Variants in CATSPER3 observed in about 807,000 individuals in gnomAD.
CATSPER3 encodes cation channel sperm associated 3, also known as cation channel sperm-associated protein 3.
Under a neutral mutation model 36.6 loss-of-function variants are expected in CATSPER3, and 23 were observed. The ratio of observed to expected loss-of-function variants is 0.63; its 90% CI spans 0.45 to 0.89. The LOEUF is 0.89. CATSPER3 is among the 40% of genes least tolerant of loss of function. CATSPER3 has a pLI of 0.00. For synonymous variants in CATSPER3, 172 were observed against 184.1 expected (o/e 0.93, Z 0.53); for missense variants, 474 against 503.9 (o/e 0.94, Z 0.57).
chr5:135,002,770 C>T (rs192437772), intron 3 of CATSPER3, among the ~76,000 whole-genome samples: 21 of 152,300 alleles, frequency 1.4e-4, no homozygotes, highest in Non-Finnish European at 2.5e-4. Context: ...GTGCATGCAT[C>T]GCGTAGTTCT....
chr5:134,986,743 G>A (rs534171983), intron 2 of CATSPER3, among the ~76,000 whole-genome samples: 3 of 152,286 alleles, frequency 2.0e-5, no homozygotes, highest in East Asian at 3.9e-4. Context: ...GATTATAGGC[G>A]TGAGCCACCA....
intron 2 of CATSPER3, among the ~76,000 whole-genome samples, chr5:134,972,190 T>A (rs1300632217): frequency 6.6e-6 from 1 of 152,182 alleles, no homozygotes; most frequent in African/African-American, 2.4e-5. Flanking sequence ...TCAAAGGAAA[T>A]GCTTACTGGA....
chr5:134,992,911 A>G (rs768893088), intron 2 of CATSPER3, among the ~76,000 whole-genome samples: 1 of 152,230 alleles, frequency 6.6e-6, no homozygotes, highest in Non-Finnish European at 1.5e-5. Context: ...GTATATACCC[A>G]AAAGATTGTA....
intron 2 of CATSPER3, among the ~76,000 whole-genome samples, chr5:134,978,038 A>G (rs1179453423): frequency 1.3e-5 from 2 of 152,204 alleles, no homozygotes; most frequent in African/African-American, 2.4e-5. Context: ...CCCACGATCC[A>G]GTCAACTCCT....
intron 6 of CATSPER3, 95 bp from the exon 7 acceptor site, chr5:135,010,278 G>A (rs1303683354): frequency 1.2e-5 from 13 of 1,107,756 alleles, no homozygotes; most frequent in Non-Finnish European, 1.8e-5. Context: ...GGGTCAGGCC[G>A]CTGCCTGGGG....
intron 3 of CATSPER3, among the ~76,000 whole-genome samples, chr5:134,997,746 C>G (rs1302259295): frequency 6.6e-6 from 1 of 152,162 alleles, no homozygotes; most frequent in East Asian, 1.9e-4. Flanking sequence ...ATCTTTTCCA[C>G]TTTCCAGGAC....
rs549755535 is a variant in CATSPER3 at position 134,982,270 on chromosome 5, G to C, written c.252+12178G>C. Among the ~76,000 whole-genome samples, 85 of 152,120 alleles carry C rather than the reference G, an allele frequency of 5.6e-4. 1 individual carries two copies. The highest frequency in any genetic ancestry group is 1.8e-3 in the African/African-American group (76 of 41,502). ...TTCCAGAAGGAGAGGAGAAAATAAG[G>C]CAGAAATAATATTTAAAGAAATAAT... On this transcript the variant is annotated intron_variant, in intron 2 of 7. Coordinates refer to ENST00000282611, the MANE Select transcript of CATSPER3 (RefSeq NM_178019.3).
At chr5:134,996,016 C>G (rs1206460601) in intron 2 of CATSPER3, among the ~76,000 whole-genome samples, 1 of 152,228 alleles carries the variant, frequency 6.6e-6, no homozygotes, top group Non-Finnish European at 1.5e-5. Flanking sequence ...TACAGTCATT[C>G]TGTCTGCCAG....
At chr5:134,978,990 G>A (rs1751715858) in intron 2 of CATSPER3, among the ~76,000 whole-genome samples, 1 of 152,098 alleles carries the variant, frequency 6.6e-6, no homozygotes, top group Admixed American at 6.5e-5. Flanking sequence ...CCAAAGTGCT[G>A]GGATTACAGG....
intron 3 of CATSPER3, among the ~76,000 whole-genome samples, chr5:135,004,216 T>A (rs966799225): frequency 2.6e-5 from 4 of 152,272 alleles, no homozygotes; most frequent in African/African-American, 7.2e-5. Flanking sequence ...TCAGTGGTTA[T>A]TGACTTGTCC....
chr5:134,991,708 A>G (rs1403001219), intron 2 of CATSPER3, among the ~76,000 whole-genome samples: 1 of 152,234 alleles, frequency 6.6e-6, no homozygotes, highest in Non-Finnish European at 1.5e-5. Context: ...ATAGGGGTAA[A>G]TCTTCATGAC....
At chr5:134,992,952 T>C (rs1751896485) in intron 2 of CATSPER3, among the ~76,000 whole-genome samples, 1 of 152,232 alleles carries the variant, frequency 6.6e-6, no homozygotes, top group African/African-American at 2.4e-5. Context: ...ACTTGTATTG[T>C]GCATACATGT....
At chr5:134,998,866 C>G (rs1027293520) in intron 3 of CATSPER3, among the ~76,000 whole-genome samples, 9 of 152,144 alleles carry the variant, frequency 5.9e-5, no homozygotes, top group Non-Finnish European at 1.0e-4. Context: ...CTGTAGGTTG[C>G]CTGTTCACTC....
At chr5:134,970,236 A>G (rs1242078299) in intron 2 of CATSPER3, 144 bp downstream of exon 2, 2 of 762,986 alleles carry the variant, frequency 2.6e-6, no homozygotes, top group South Asian at 3.1e-5. Flanking sequence ...GCTCACTGCA[A>G]CCTCCATCTC....
At chr5:135,009,897 C>A (rs1186169499) in intron 6 of CATSPER3, among the ~76,000 whole-genome samples, 1 of 152,196 alleles carries the variant, frequency 6.6e-6, no homozygotes, top group Non-Finnish European at 1.5e-5. Flanking sequence ...CTCTCACATT[C>A]CTAAACCCAG....
At chr5:134,990,439 TTATCTCA>T (rs1428897160) in intron 2 of CATSPER3, among the ~76,000 whole-genome samples, 5 of 152,124 alleles carry the variant, frequency 3.3e-5, no homozygotes, top group Non-Finnish European at 7.4e-5. Context: ...AGATATGCAT[TTATCTCA>T]GTGAGCAGAG....
intron 2 of CATSPER3, among the ~76,000 whole-genome samples, chr5:134,983,487 T>G (rs1751772782): frequency 6.6e-6 from 1 of 151,892 alleles, no homozygotes; most frequent in Non-Finnish European, 1.5e-5. Context: ...TGAGCTGAAA[T>G]TGCACCACTA....
intron 2 of CATSPER3, among the ~76,000 whole-genome samples, chr5:134,989,995 G>T (rs1195102487): frequency 6.6e-6 from 1 of 152,150 alleles, no homozygotes; most frequent in Non-Finnish European, 1.5e-5. Flanking sequence ...GGAATAAGGA[G>T]GCCCCAGGAG....
At chr5:135,001,562 T>C (rs1378418360) in intron 3 of CATSPER3, among the ~76,000 whole-genome samples, 2 of 152,146 alleles carry the variant, frequency 1.3e-5, no homozygotes, top group African/African-American at 4.8e-5. Flanking sequence ...GACAGTGGGG[T>C]GTTAAAGTCT....
Sources: allele counts gnomAD v4.1 joint callset (sites outside exome capture counted in the v4.1 genomes callset), GRCh38; gene constraint gnomAD v4.1.1; transcripts MANE v1.5; gene names NCBI Gene and HGNC (gene_info 2026-07-23, HGNC 2026-07-21).